SEC14L4: variants seen among roughly 807,000 people sequenced by gnomAD.
SEC14L4 encodes the protein SEC14-like protein 4.
SEC14L4 carries 42 observed loss-of-function variants against 55.1 expected under a neutral mutation model. The ratio of observed to expected loss-of-function variants is 0.76; its 90% confidence interval spans 0.60 to 0.99. The LOEUF is 0.99. SEC14L4 is among the 50% of genes least tolerant of loss of function. SEC14L4 has a pLI of 0.00. For missense variants in SEC14L4, 445 were observed against 512.1 expected, an observed-to-expected ratio of 0.87 and a Z score of 1.27; for synonymous variants, 206 against 206.8, an observed-to-expected ratio of 1.00 and a Z score of 0.03.
chr22:30,497,045 G>A (rs1936172718), intron 2 of SEC14L4, among the ~76,000 whole-genome samples: 2 of 152,032 alleles, frequency 1.3e-5, no homozygotes. Context: ...AACAGTTCCA[G>A]AAATCACTCC....
At chr22:30,502,571 G>T (rs1047593182) in intron 2 of SEC14L4, among the ~76,000 whole-genome samples, 1 of 152,146 alleles carries the variant, frequency 6.6e-6, no homozygotes, top group Non-Finnish European at 1.5e-5. Flanking sequence ...ATTATTTTGA[G>T]ATGGGGTTTC....
intron 7 of SEC14L4, 23 bp downstream of exon 7, chr22:30,494,127 G>C (rs1386033361): frequency 3.8e-6 from 6 of 1,587,242 alleles, no homozygotes; most frequent in Non-Finnish European, 5.2e-6. Flanking sequence ...CTCCCCAGGA[G>C]GTCATCCCGG....
In SEC14L4 at chr22:30,504,990, G is replaced by A. The variant is rs1419185509; in HGVS notation, c.54+568C>T. On this transcript the variant is annotated intron_variant, in intron 1 of 11. Coordinates refer to ENST00000255858, the MANE Select transcript of SEC14L4 (RefSeq NM_174977.4). Reference sequence around the variant, plus strand: ...CTACTAAAAATACAAAAATTAGTCGGGTGTGGTGGCGGGCACCTGTAGCCC... The same window carrying A: ...CTACTAAAAATACAAAAATTAGTCGAGTGTGGTGGCGGGCACCTGTAGCCC... Among the ~76,000 whole-genome samples the A allele has an allele frequency of 2.6e-5, 4 of 151,980 alleles. No individual in the cohort carries two copies. The East Asian group carries it at 7.7e-4, about 29-fold the overall frequency.
intron 11 of SEC14L4, 106 bp from the exon 12 acceptor site, chr22:30,490,352 C>A (rs1175417281): frequency 6.5e-7 from 1 of 1,538,228 alleles, no homozygotes; most frequent in Non-Finnish European, 8.8e-7. Context: ...GAGCTGCATC[C>A]CTGGAACGTC....
chr22:30,491,577 G>A lies in SEC14L4; in HGVS notation c.1077C>T (p.Gly359=), dbSNP rs564283211. ...AGTAAACCCCGCAGCTCTTACAGAC[G>A]CCAGCCTGGAGGCAGGTGAGGCTCC... ...EDGSLTCLQA[G]VYVLRFDNTY... is the part of the protein sequence containing the mutation. Residue 359 remains glycine (G), a synonymous_variant, in exon 11 of 12, where the codon GGC becomes GGT. Transcript: ENST00000255858. 2.1e-5 allele frequency: 34 copies of A among 1,614,096 alleles called. 1 individual carries two copies. The highest frequency in any genetic ancestry group is 1.9e-4 in the African/African-American group (14 of 75,040).
chr22:30,505,674 G>A lies in SEC14L4; in HGVS notation c.-63C>T. ...CGCCCGCCCGCCGCCGCCTGGCCTTGTATCCGCTGCCGCCTGGTTGTGCCT... is the reference window on the plus strand; with the variant it reads ...CGCCCGCCCGCCGCCGCCTGGCCTTATATCCGCTGCCGCCTGGTTGTGCCT... On this transcript the variant is annotated 5_prime_UTR_variant, in exon 1 of 12. Coordinates refer to ENST00000255858, the MANE Select transcript of SEC14L4 (RefSeq NM_174977.4). 1 of 1,458,308 alleles carries A rather than the reference G, an allele frequency of 6.9e-7. No homozygotes were observed. Among genetic ancestry groups the A allele is most frequent in the Admixed American group, 2.1e-5 (1 of 47,496 alleles). 90.3% of individuals were successfully genotyped at this position (1,458,308 alleles called of 1,614,324 possible).
At chr22:30,491,187 G>A (rs1380176559) in intron 11 of SEC14L4, among the ~76,000 whole-genome samples, 1 of 152,160 alleles carries the variant, frequency 6.6e-6, no homozygotes, top group African/African-American at 2.4e-5. Context: ...GAAGGCCTGG[G>A]GGTGAATGAT....
chr22:30,495,580 C>G lies in SEC14L4; in HGVS notation c.234+3G>C. ...GGCCTGGGGGATGCTGCTCGAGGCT[C>G]ACCTCAGGGGGCTGCCATGTGACAA... On this transcript the variant is annotated splice_donor_region_variant and intron_variant, in intron 4 of 11. Coordinates refer to ENST00000255858, the MANE Select transcript of SEC14L4 (RefSeq NM_174977.4). 1 of 1,613,904 alleles carries G rather than the reference C, an allele frequency of 6.2e-7. No individual in the cohort carries two copies. The highest frequency in any genetic ancestry group is 8.5e-7 in the Non-Finnish European group (1 of 1,180,000).
At chr22:30,494,486 G>C (rs1936072840) in intron 6 of SEC14L4, among the ~76,000 whole-genome samples, 1 of 152,156 alleles carries the variant, frequency 6.6e-6, no homozygotes, top group Non-Finnish European at 1.5e-5. Flanking sequence ...TCCCGCCTCA[G>C]CCACCCAAGT....
intron 5 of SEC14L4, 59 bp from the exon 6 acceptor site, chr22:30,495,020 G>T: frequency 6.8e-7 from 1 of 1,471,924 alleles, no homozygotes; most frequent in Non-Finnish European, 9.4e-7. Context: ...ATCCTGGCCA[G>T]AGAGACTTGG....
chr22:30,492,256 GC>G (rs1935988291), intron 8 of SEC14L4, 101 bp from the exon 9 acceptor site: 1 of 1,419,792 alleles, frequency 7.0e-7, no homozygotes, highest in African/African-American at 1.4e-5. Flanking sequence ...TCCTGGGCGT[GC>G]TCCCCCGGGC....
At chr22:30,494,744 G>A in intron 6 of SEC14L4, 122 bp downstream of exon 6, 1 of 677,130 alleles carries the variant, frequency 1.5e-6, no homozygotes, top group Non-Finnish European at 2.6e-6. Flanking sequence ...TGGCTGGTCT[G>A]TGGAGCCCCT....
rs373530115 is a variant in SEC14L4 at position 30,490,292 on chromosome 22, T to G, written c.1082-46A>C. 6.2e-6 allele frequency: 10 copies of G among 1,606,052 alleles called. No individual in the cohort carries two copies. In the African/African-American group the frequency reaches 1.1e-4, roughly 17 times the overall value. ...TCAGGGAGCACAAACCCCGCACATC[T>G]GCAGGAAGAGCCAGCCCTGCATGGG... is the stretch of plus-strand genomic sequence containing the variant. On this transcript the variant is annotated intron_variant, in intron 11 of 11. Transcript: ENST00000255858.
chr22:30,494,577 G>C (rs1936076082), intron 6 of SEC14L4, among the ~76,000 whole-genome samples: 1 of 152,158 alleles, frequency 6.6e-6, no homozygotes, highest in South Asian at 2.1e-4. Context: ...ACATCTCACT[G>C]TGTTGCTCAG....
intron 10 of SEC14L4, 36 bp from the exon 11 acceptor site, chr22:30,491,778 C>G (rs1338333276): frequency 1.2e-6 from 2 of 1,612,404 alleles, no homozygotes; most frequent in Non-Finnish European, 1.7e-6. Flanking sequence ...GACCCCCTGC[C>G]TGGGCTCCAG....
At chr22:30,493,598 A>G (rs1025241803) in intron 7 of SEC14L4, among the ~76,000 whole-genome samples, 2 of 152,196 alleles carry the variant, frequency 1.3e-5, no homozygotes, top group Non-Finnish European at 2.9e-5. Context: ...ACACTGACAT[A>G]AGTAAGTAAC....
intron 2 of SEC14L4, among the ~76,000 whole-genome samples, chr22:30,501,872 T>TATATATATATATATATATATAC (rs1936338957): frequency 7.0e-6 from 1 of 142,370 alleles, no homozygotes; most frequent in Non-Finnish European, 1.5e-5. Context: ...TATATATATA[T>TATATATATATATATATATATAC]ATACATACAC....
At chr22:30,499,133 C>T (rs1381317285) in intron 2 of SEC14L4, among the ~76,000 whole-genome samples, 6 of 151,978 alleles carry the variant, frequency 3.9e-5, no homozygotes, top group African/African-American at 7.2e-5. Context: ...TTACTAGAGA[C>T]GGGGTTTCAC....
chr22:30,499,462 G>A (rs1337562180), intron 2 of SEC14L4, among the ~76,000 whole-genome samples: 1 of 151,672 alleles, frequency 6.6e-6, no homozygotes, highest in Non-Finnish European at 1.5e-5. Flanking sequence ...TATTAGCTGG[G>A]CGCAGTGGCT....
Sources: gnomAD v4.1 joint callset for allele counts (sites outside exome capture counted in the v4.1 genomes callset) on GRCh38, gnomAD v4.1.1 for gene constraint, MANE v1.5 for transcripts, NCBI Gene and HGNC (gene_info 2026-07-23, HGNC 2026-07-21) for gene names.